Variants in HIGD2B observed in about 807,000 individuals in gnomAD.
HIGD2B encodes the protein HIG1 domain family member 2B.
For synonymous variants in HIGD2B, 45 were observed against 28.1 expected (o/e 1.60, Z -1.90); for missense variants, 106 against 67.0 (o/e 1.58, Z -2.03).
At chr15:72,679,523 G>A (rs554999447) in intron 2 of HIGD2B, among the ~76,000 whole-genome samples, 3 of 152,220 alleles carry the variant, frequency 2.0e-5, no homozygotes, top group Admixed American at 6.5e-5. Flanking sequence ...TAGGATTTGG[G>A]TAGAATGAAA....
At chr15:72,681,601 T>G (rs7175644) in intron 1 of HIGD2B, among the ~76,000 whole-genome samples, 117,735 of 130,766 alleles carry the variant, frequency 0.9, 52,618 homozygotes, top group Middle Eastern at 0.96. Flanking sequence ...GAACCAAAAT[T>G]TTTTTTTTTT....
intron 1 of HIGD2B, chr15:72,683,040 C>T (rs2064765839): frequency 1.1e-5 from 2 of 182,676 alleles, no homozygotes; most frequent in Admixed American, 6.3e-5. Context: ...GTTCTTTGCT[C>T]TGAAAAAGGA....
intron 1 of HIGD2B, chr15:72,682,880 G>A (rs541964434): frequency 4.9e-4 from 121 of 246,532 alleles, no homozygotes; most frequent in Admixed American, 1.1e-3. Context: ...AATCCCTTGA[G>A]GAAAGGTTTG....
chr15:72,682,797 C>T, intron 1 of HIGD2B: 2 of 240,136 alleles, frequency 8.3e-6, no homozygotes, highest in South Asian at 7.2e-5. Context: ...GTTCATATAG[C>T]CATCTACAGA....
Position 72,675,927 on chromosome 15 carries a change from AG to A in HIGD2B, c.*126del. The A allele has an allele frequency of 1.7e-6, 1 of 592,804 alleles. No individual in the cohort carries two copies. The highest frequency in any genetic ancestry group is 2.1e-5 in the South Asian group (1 of 48,326). The allele number at this position is 592,804 out of a possible 1,614,324, so 36.7% of individuals were successfully genotyped here. A position where few individuals can be genotyped will look rare whatever the true frequency, so the allele number is the denominator to read the frequency against. On this transcript the variant is annotated 3_prime_UTR_variant, in exon 3 of 3. Transcript: ENST00000311755. Reference sequence around the variant, plus strand: ...AAATCTTTCAGTTATGGTTACAGGAAGGGTCACTTCCTCCCCCAACGACACA... The same window carrying A: ...AAATCTTTCAGTTATGGTTACAGGAAGGTCACTTCCTCCCCCAACGACACA...
rs140463133 is a variant in HIGD2B at position 72,677,917 on chromosome 15, C to T, written c.-13-1530G>A. On this transcript the variant is annotated intron_variant, in intron 2 of 2. Transcript: ENST00000311755. The stretch of plus-strand genomic sequence containing the variant: ...ATATGGTCTGTGTCCCCTTTTTCTC[C>T]TCTTATTTTCTTTTGCATTCTTGCT... 4.6e-5 allele frequency among the ~76,000 whole-genome samples: 7 copies of T among 152,158 alleles called. No homozygotes were observed. The East Asian group carries it at 1.4e-3, about 29-fold the overall frequency.
At position 72,679,378 on chromosome 15, in the gene HIGD2B, A is replaced by AAAG. The variant is rs1555495143; in HGVS notation, c.-14+636_-14+637insCTT. ...AAAACTGTGTCTCAAAAAAAAAAAA[A>AAAG]AGAGAGAGAGAGAAAGAAAGAAGAA... On this transcript the variant is annotated intron_variant, in intron 2 of 2. Coordinates refer to ENST00000311755, the MANE Select transcript of HIGD2B (RefSeq NM_001350932.3). Among the ~76,000 whole-genome samples the AAAG allele has an allele frequency of 1.1e-4, 16 of 151,172 alleles. No homozygotes were observed. The South Asian group carries it at 1.9e-3, about 18-fold the overall frequency.
At chr15:72,683,292 A>C (rs942771710) in intron 1 of HIGD2B, among the ~76,000 whole-genome samples, 4 of 152,226 alleles carry the variant, frequency 2.6e-5, no homozygotes, top group Non-Finnish European at 1.5e-5. Context: ...ACATCAGCAG[A>C]ACTAAAGGGT....
rs1567388924 is a variant in HIGD2B, at chr15:72,686,091, C to G, written c.-466G>C. On this transcript the variant is annotated 5_prime_UTR_variant, in exon 1 of 3. Coordinates refer to ENST00000311755, the MANE Select transcript of HIGD2B (RefSeq NM_001350932.3). ...CTGTGGAGCAGACCCTAATCCTCCC[C>G]CTGATTCCTTAGGTCACTCGGCGAT... 2.2e-6 allele frequency: 2 copies of G among 916,292 alleles called. No homozygotes were observed. The highest frequency in any genetic ancestry group is 1.6e-5 in the African/African-American group (1 of 61,214). 56.8% of individuals were successfully genotyped at this position (916,292 alleles called of 1,614,324 possible). A position where few individuals can be genotyped will look rare whatever the true frequency, so the allele number is the denominator to read the frequency against.
intron 2 of HIGD2B, among the ~76,000 whole-genome samples, chr15:72,677,931 T>G (rs2064710215): frequency 6.6e-6 from 1 of 152,186 alleles, no homozygotes; most frequent in Non-Finnish European, 1.5e-5. Flanking sequence ...TATTTTCTTT[T>G]GCATTCTTGC....
In HIGD2B at chr15:72,685,803, CG is replaced by C. The variant is rs550764312; in HGVS notation, c.-193+14del. On this transcript the variant is annotated intron_variant, in intron 1 of 2. Transcript: ENST00000311755. ...CAGTTCGATAGTGACAGCCAAGAAA[CG>C]GGGAGTTTTGTACCTAAGGCGAGAA... 2.3e-4 allele frequency: 69 copies of C among 300,036 alleles called. 1 individual carries two copies. The East Asian group carries it at 4.7e-3, about 21-fold the overall frequency. 18.6% of individuals were successfully genotyped at this position (300,036 alleles called of 1,614,324 possible). A position where few individuals can be genotyped will look rare whatever the true frequency, so the allele number is the denominator to read the frequency against.
chr15:72,684,629 A>G (rs1395067603), intron 1 of HIGD2B, among the ~76,000 whole-genome samples: 2 of 152,168 alleles, frequency 1.3e-5, no homozygotes, highest in African/African-American at 4.8e-5. Context: ...CTGGGATTAC[A>G]GGAGCCGGCC....
At chr15:72,684,726 T>A (rs1459196665) in intron 1 of HIGD2B, among the ~76,000 whole-genome samples, 1 of 152,034 alleles carries the variant, frequency 6.6e-6, no homozygotes, top group Admixed American at 6.6e-5. Context: ...TGACCTCAGG[T>A]GATCTGCCCA....
chr15:72,677,275 C>T (rs555138903), intron 2 of HIGD2B, among the ~76,000 whole-genome samples: 1 of 150,994 alleles, frequency 6.6e-6, no homozygotes, highest in South Asian at 2.1e-4. Context: ...ACTAAAAATA[C>T]AAAAATTAGC....
intron 1 of HIGD2B, among the ~76,000 whole-genome samples, chr15:72,680,763 C>G (rs2064740754): frequency 2.0e-5 from 3 of 152,158 alleles, no homozygotes; most frequent in Admixed American, 2.0e-4. Context: ...TGGCAGATGC[C>G]TGTAATTCCA....
At chr15:72,681,356 G>T (rs918907690) in intron 1 of HIGD2B, among the ~76,000 whole-genome samples, 2 of 152,116 alleles carry the variant, frequency 1.3e-5, no homozygotes, top group African/African-American at 4.8e-5. Flanking sequence ...GGCATGGCAG[G>T]ATCCATGGAG....
chr15:72,685,176 T>C (rs1490365585), intron 1 of HIGD2B, among the ~76,000 whole-genome samples: 1 of 152,196 alleles, frequency 6.6e-6, no homozygotes, highest in East Asian at 1.9e-4. Context: ...ACCGTACTTG[T>C]TTCTTCTATG....
At chr15:72,679,717 A>G (rs1343017505) in intron 2 of HIGD2B, among the ~76,000 whole-genome samples, 1 of 152,124 alleles carries the variant, frequency 6.6e-6, no homozygotes, top group Non-Finnish European at 1.5e-5. Flanking sequence ...GCCTATTTTG[A>G]GCCTACCTTT....
At position 72,685,606 on chromosome 15, in the gene HIGD2B, C is replaced by G. The variant is rs185227948; in HGVS notation, c.-193+212G>C. 2.9e-3 allele frequency among the ~76,000 whole-genome samples: 435 copies of G among 152,338 alleles called. 1 individual carries two copies. The highest frequency in any genetic ancestry group is 4.6e-3 in the Non-Finnish European group (310 of 68,040). On this transcript the variant is annotated intron_variant, in intron 1 of 2. Transcript: ENST00000311755. ...GCCGCTATTCAGATCTATTTCACTG[C>G]CTTGCAGAAAACGCCGACTGTCGTC...
Sources: allele counts gnomAD v4.1 joint callset (sites outside exome capture counted in the v4.1 genomes callset), GRCh38; gene constraint gnomAD v4.1.1; transcripts MANE v1.5; gene names NCBI Gene and HGNC (gene_info 2026-07-23, HGNC 2026-07-21).